The following PTPN12 variants were observed in gnomAD, a reference collection of about 807,000 sequenced individuals.
PTPN12 encodes the protein tyrosine-protein phosphatase non-receptor type 12.
Under a neutral mutation model 97.6 loss-of-function variants are expected in PTPN12, and 29 were observed. The observed-to-expected ratio is 0.30, with a 90% CI of 0.22 to 0.41. PTPN12 has a LOEUF of 0.41. PTPN12 is among the 10% of genes least tolerant of loss of function. The pLI is 1.00. For missense variants in PTPN12, 819 were observed against 926.0 expected (o/e 0.88, Z 1.50); for synonymous variants, 327 against 300.4 (o/e 1.09, Z -0.91).
intron 12 of PTPN12, among the ~76,000 whole-genome samples, chr7:77,622,541 G>A (rs1272189850): frequency 1.3e-5 from 2 of 152,006 alleles, no homozygotes; most frequent in African/African-American, 2.4e-5. Context: ...AGGCTGAGGC[G>A]GGCAGATCAC....
At chr7:77,615,281 A>AT (rs1271490648) in intron 11 of PTPN12, among the ~76,000 whole-genome samples, 3 of 152,186 alleles carry the variant, frequency 2.0e-5, no homozygotes, top group Non-Finnish European at 4.4e-5. Context: ...CTAAAATATA[A>AT]TTTTTTTATT....
intron 1 of PTPN12, among the ~76,000 whole-genome samples, chr7:77,565,753 A>G (rs1323557614): frequency 6.6e-6 from 1 of 152,224 alleles, no homozygotes; most frequent in African/African-American, 2.4e-5. Context: ...GTTTTAGGAA[A>G]TTGTTTAAAG....
intron 1 of PTPN12, among the ~76,000 whole-genome samples, chr7:77,564,762 T>TTTTTTTTTTG (rs1808181482): frequency 9.0e-6 from 1 of 110,658 alleles, no homozygotes; most frequent in Non-Finnish European, 1.8e-5. Context: ...TTTTTTTTTT[T>TTTTTTTTTTG]TTTTTTTTTT....
chr7:77,593,190 A>G (rs953476794), intron 6 of PTPN12, among the ~76,000 whole-genome samples: 16 of 151,886 alleles, frequency 1.1e-4, no homozygotes, highest in African/African-American at 3.9e-4. Context: ...AATTGCTTGA[A>G]TCTGGGAGGT....
At chr7:77,582,028 A>G (rs1386069804) in intron 3 of PTPN12, among the ~76,000 whole-genome samples, 1 of 150,474 alleles carries the variant, frequency 6.6e-6, no homozygotes, top group African/African-American at 2.4e-5. Flanking sequence ...TCCAAGATTA[A>G]ATAGTCTCTT....
intron 13 of PTPN12, among the ~76,000 whole-genome samples, chr7:77,628,316 A>C (rs1245444370): frequency 6.6e-6 from 1 of 152,206 alleles, no homozygotes; most frequent in Non-Finnish European, 1.5e-5. Context: ...ATTTCAAGAT[A>C]ATGCATGCAC....
intron 14 of PTPN12, among the ~76,000 whole-genome samples, chr7:77,633,582 C>T (rs575074138): frequency 6.6e-6 from 1 of 151,272 alleles, no homozygotes; most frequent in South Asian, 2.1e-4. Context: ...GCACTCCAGC[C>T]TGGGCAACAG....
chr7:77,624,584 C>T (rs550336810), intron 12 of PTPN12, among the ~76,000 whole-genome samples: 4 of 151,970 alleles, frequency 2.6e-5, no homozygotes, highest in African/African-American at 4.8e-5. Context: ...GGATTACAGG[C>T]GCACGCTACC....
intron 14 of PTPN12, among the ~76,000 whole-genome samples, chr7:77,634,217 A>G (rs2151407514): frequency 6.6e-6 from 1 of 151,914 alleles, no homozygotes; most frequent in Admixed American, 6.6e-5. Context: ...AAAAAAGACC[A>G]CTGGAGTATC....
Position 77,554,470 on chromosome 7 carries a change from C to T in PTPN12, c.100-16608C>T, listed in dbSNP as rs573793343. Among the ~76,000 whole-genome samples the T allele has an allele frequency of 2.0e-5, 3 of 152,248 alleles. No individual in the cohort carries two copies. The South Asian group carries it at 6.2e-4, about 32-fold the overall frequency. On this transcript the variant is annotated intron_variant, in intron 1 of 17. Transcript: ENST00000248594. ...ACATACACACACAAGCATATATAAC[C>T]AAATACATGTTTGCTGCTATTCTGA...
Position 77,625,472 on chromosome 7 carries a change from G to GCTCGCGCGCTCT in PTPN12, c.1026-1230_1026-1229insGCGCGCTCTCTC. ...TTTTGCCATATTGCCCAGGCTGCTCGCTCTCTCTCTCTCTCTCTCTCTCTC... is the reference window on the plus strand; with the variant it reads ...TTTTGCCATATTGCCCAGGCTGCTCGCTCGCGCGCTCTCTCTCTCTCTCTCTCTCTCTCTCTC... On this transcript the variant is annotated intron_variant, in intron 12 of 17. Coordinates refer to ENST00000248594, the MANE Select transcript of PTPN12 (RefSeq NM_002835.4). Among the ~76,000 whole-genome samples, 306 of 33,516 alleles carry GCTCGCGCGCTCT rather than the reference G, an allele frequency of 9.1e-3. 35 individuals carry two copies. Among genetic ancestry groups the GCTCGCGCGCTCT allele is most frequent in the African/African-American group, 0.02 (147 of 7,524 alleles). 22.0% of individuals were successfully genotyped at this position (33,516 alleles called of 152,430 possible). A position where few individuals can be genotyped will look rare whatever the true frequency, so the allele number is the denominator to read the frequency against.
At chr7:77,565,777 A>G (rs1373802963) in intron 1 of PTPN12, among the ~76,000 whole-genome samples, 1 of 152,252 alleles carries the variant, frequency 6.6e-6, no homozygotes, top group Non-Finnish European at 1.5e-5. Context: ...AGTGAATATT[A>G]AACTCGAATT....
chr7:77,540,219 ATTTCT>A (rs1806889959), intron 1 of PTPN12, among the ~76,000 whole-genome samples: 1 of 149,040 alleles, frequency 6.7e-6, no homozygotes, highest in Non-Finnish European at 1.5e-5. Flanking sequence ...TGGAGAGTTC[ATTTCT>A]TTCTTTCTTT....
intron 2 of PTPN12, among the ~76,000 whole-genome samples, chr7:77,573,358 C>T (rs944684173): frequency 3.3e-5 from 5 of 152,136 alleles, no homozygotes; most frequent in African/African-American, 1.2e-4. Flanking sequence ...GATATGCTGT[C>T]TAGTGAAGGG....
At chr7:77,611,603 C>T (rs1328687987) in intron 11 of PTPN12, among the ~76,000 whole-genome samples, 1 of 152,164 alleles carries the variant, frequency 6.6e-6, no homozygotes, top group Non-Finnish European at 1.5e-5. Flanking sequence ...CGCCACTGTG[C>T]CCAGCTAGTT....
At chr7:77,589,776 A>G (rs952887038) in intron 5 of PTPN12, among the ~76,000 whole-genome samples, 1 of 152,160 alleles carries the variant, frequency 6.6e-6, no homozygotes, top group Non-Finnish European at 1.5e-5. Context: ...TTATTAATCA[A>G]TTGTCTAAGA....
At chr7:77,609,209 G>C (rs1407910775) in intron 9 of PTPN12, among the ~76,000 whole-genome samples, 1 of 151,458 alleles carries the variant, frequency 6.6e-6, no homozygotes, top group African/African-American at 2.4e-5. Flanking sequence ...GACAGAGCAA[G>C]ACTCCGTCTC....
chr7:77,567,940 A>G (rs1351123675), intron 1 of PTPN12, among the ~76,000 whole-genome samples: 2 of 152,176 alleles, frequency 1.3e-5, no homozygotes, highest in African/African-American at 2.4e-5. Context: ...AAAGTACCAG[A>G]TCCAGAATTT....
intron 1 of PTPN12, among the ~76,000 whole-genome samples, chr7:77,569,975 C>G (rs2151317333): frequency 6.6e-6 from 1 of 152,228 alleles, no homozygotes; most frequent in East Asian, 1.9e-4. Flanking sequence ...CATGCTCGGC[C>G]CCCACTTGCT....
Sources: allele counts gnomAD v4.1 joint callset (sites outside exome capture counted in the v4.1 genomes callset), GRCh38; gene constraint gnomAD v4.1.1; transcripts MANE v1.5; gene names NCBI Gene and HGNC (gene_info 2026-07-23, HGNC 2026-07-21).